TMEM108: variants seen among roughly 807,000 people sequenced by gnomAD.
TMEM108 encodes the protein transmembrane protein 108.
In TMEM108, 12 loss-of-function variants were observed where a neutral mutation model predicts 35.1. The ratio of observed to expected loss-of-function variants is 0.34; its 90% CI spans 0.22 to 0.55. The LOEUF is 0.55. Among genes scored for constraint, TMEM108 ranks in the 20% least tolerant of loss-of-function variants. The pLI is 0.89. For missense variants in TMEM108, 680 were observed against 753.3 expected (o/e 0.90, Z 1.14); for synonymous variants, 287 against 308.6 (o/e 0.93, Z 0.73).
chr3:133,337,351 A>G (rs552139460), intron 3 of TMEM108, among the ~76,000 whole-genome samples: 21 of 152,284 alleles, frequency 1.4e-4, no homozygotes, highest in African/African-American at 4.8e-4. Flanking sequence ...CTCAAAACAC[A>G]GTGTGAGACT....
intron 3 of TMEM108, among the ~76,000 whole-genome samples, chr3:133,367,821 C>T (rs1004096593): frequency 1.3e-5 from 2 of 152,162 alleles, no homozygotes; most frequent in African/African-American, 4.8e-5. Flanking sequence ...AACCACTAGC[C>T]GCTGCCTCTT....
chr3:133,250,213 A>G (rs772908887), intron 3 of TMEM108, among the ~76,000 whole-genome samples: 14 of 152,122 alleles, frequency 9.2e-5, no homozygotes, highest in Non-Finnish European at 8.8e-5. Context: ...GTCCACTTCT[A>G]TGTGAATTTT....
At chr3:133,149,923 C>G (rs1053820405) in intron 2 of TMEM108, among the ~76,000 whole-genome samples, 2 of 151,980 alleles carry the variant, frequency 1.3e-5, no homozygotes, top group African/African-American at 4.8e-5. Context: ...CATATCTTGG[C>G]TATTATGAAT....
intron 3 of TMEM108, among the ~76,000 whole-genome samples, chr3:133,270,794 TACACACACACACACAC>T (rs71624011): frequency 6.7e-6 from 1 of 148,578 alleles, no homozygotes; most frequent in Non-Finnish European, 1.5e-5. Flanking sequence ...TCGAAGAATG[TACACACACACACACAC>T]ACACACACAC....
At chr3:133,174,295 T>A (rs1945177041) in intron 2 of TMEM108, among the ~76,000 whole-genome samples, 1 of 152,214 alleles carries the variant, frequency 6.6e-6, no homozygotes, top group Non-Finnish European at 1.5e-5. Flanking sequence ...TCTGCAGACT[T>A]AAATGTCCCT....
intron 2 of TMEM108, among the ~76,000 whole-genome samples, chr3:133,190,031 A>G (rs1044091590): frequency 1.3e-5 from 2 of 152,156 alleles, no homozygotes; most frequent in Non-Finnish European, 2.9e-5. Context: ...TAGAAAATGA[A>G]GTATTGCTTT....
At chr3:133,382,547 G>A (rs1332410493) in intron 4 of TMEM108, among the ~76,000 whole-genome samples, 1 of 152,216 alleles carries the variant, frequency 6.6e-6, no homozygotes, top group Non-Finnish European at 1.5e-5. Flanking sequence ...GTCTGGCTAC[G>A]GAAGAGGGAG....
intron 3 of TMEM108, among the ~76,000 whole-genome samples, chr3:133,365,784 G>A (rs2072486337): frequency 6.6e-6 from 1 of 152,152 alleles, no homozygotes; most frequent in Non-Finnish European, 1.5e-5. Context: ...ATGGGGGCCA[G>A]ACCAAAATGG....
chr3:133,164,706 A>G (rs1054075898), intron 2 of TMEM108, among the ~76,000 whole-genome samples: 1 of 152,160 alleles, frequency 6.6e-6, no homozygotes, highest in African/African-American at 2.4e-5. Flanking sequence ...AACCCTGGCT[A>G]TGTTAGGGGC....
At chr3:133,301,008 ACACACACACACACACACACACACACAC>A (rs1377402633) in intron 3 of TMEM108, among the ~76,000 whole-genome samples, 2 of 66,076 alleles carry the variant, frequency 3.0e-5, no homozygotes, top group African/African-American at 8.2e-5. Flanking sequence ...ACACACACAC[ACACACACACACACACACACACACACAC>A]AAGTTCTACT....
intron 2 of TMEM108, among the ~76,000 whole-genome samples, chr3:133,216,524 G>A (rs765757418): frequency 2.0e-5 from 3 of 152,048 alleles, no homozygotes; most frequent in Non-Finnish European, 4.4e-5. Flanking sequence ...TTGTCACCAT[G>A]TTATACAATA....
intron 3 of TMEM108, among the ~76,000 whole-genome samples, chr3:133,358,572 C>T (rs1388288878): frequency 1.3e-5 from 2 of 152,208 alleles, no homozygotes; most frequent in East Asian, 1.9e-4. Context: ...CGGATGCCTT[C>T]GTCCAGTGCT....
chr3:133,168,876 G>A (rs1056313792), intron 2 of TMEM108, among the ~76,000 whole-genome samples: 21 of 152,112 alleles, frequency 1.4e-4, no homozygotes, highest in Non-Finnish European at 1.9e-4. Flanking sequence ...CAAACCCACC[G>A]GGAGGAAGGA....
At position 133,380,778 on chromosome 3, in the gene TMEM108, C is replaced by T. The variant is rs758723700; in HGVS notation, c.1067C>T (p.Ala356Val). 13 of 1,614,034 alleles carry T rather than the reference C, an allele frequency of 8.1e-6. No homozygotes were observed. The highest frequency in any genetic ancestry group is 1.3e-5 in the African/African-American group (1 of 74,942). The change falls in exon 4 of 6, where the codon GCC becomes GTC. Residue 356 changes from alanine (A) to valine (V), a missense_variant. Physicochemically the swap from Ala to Val is moderately conservative, Grantham distance 64 (BLOSUM62 0). This residue lies in a region of TMEM108 where 526 missense variants were observed against 532.1 expected (regional missense o/e 0.99). Transcript: ENST00000321871. This position sits in a 1 kb window ranked among gnomAD's most constrained non-coding sequence, Gnocchi z 5.3. ...LSTSSGVFTAATGPTPAAFDT... is the reference protein window; with the variant it reads ...LSTSSGVFTAVTGPTPAAFDT... ...ACCAGCTCTGGGGTCTTCACGGCTG[C>T]CACGGGGCCCACCCCAGCTGCCTTC...
chr3:133,043,004 T>A (rs935367106), intron 1 of TMEM108, among the ~76,000 whole-genome samples: 4 of 152,254 alleles, frequency 2.6e-5, no homozygotes, highest in Admixed American at 2.0e-4. Context: ...TCTTTGCAGC[T>A]CATTCTTTTC....
intron 3 of TMEM108, among the ~76,000 whole-genome samples, chr3:133,327,598 C>T (rs569925150): frequency 6.6e-6 from 1 of 152,242 alleles, no homozygotes; most frequent in East Asian, 1.9e-4. Context: ...GGTGCTGCCA[C>T]CTCAGACTGG....
intron 3 of TMEM108, among the ~76,000 whole-genome samples, chr3:133,259,920 T>C (rs2107674785): frequency 6.6e-6 from 1 of 152,020 alleles, no homozygotes; most frequent in Admixed American, 6.5e-5. Flanking sequence ...CTCTTCAGAG[T>C]CCAGATAGGT....
intron 2 of TMEM108, among the ~76,000 whole-genome samples, chr3:133,181,105 C>A (rs534623445): frequency 6.9e-6 from 1 of 144,818 alleles, no homozygotes; most frequent in South Asian, 2.2e-4. Flanking sequence ...AATTGTCTTT[C>A]GATAAAGATA....
chr3:133,388,686 C>T, intron 4 of TMEM108: 1 of 985,448 alleles, frequency 1.0e-6, no homozygotes, highest in Non-Finnish European at 1.2e-6. Flanking sequence ...TACCCTATCT[C>T]CTAACCTTGT....
Sources: allele counts gnomAD v4.1 joint callset (sites outside exome capture counted in the v4.1 genomes callset), GRCh38; gene constraint gnomAD v4.1.1; regional missense constraint gnomAD v4.1.1; non-coding constraint Gnocchi (gnomAD v3.1); transcripts MANE v1.5; gene names NCBI Gene and HGNC (gene_info 2026-07-23, HGNC 2026-07-21).